CEP350: variants seen among roughly 807,000 people sequenced by gnomAD.
CEP350 encodes the protein centrosomal protein 350, also known as centrosome-associated protein 350.
CEP350 carries 126 observed loss-of-function variants against 331.8 expected under a neutral mutation model. That is an observed-to-expected ratio of 0.38 (90% CI 0.33 to 0.44). The LOEUF (loss-of-function observed/expected upper bound fraction) is 0.44. CEP350 is among the 20% of genes least tolerant of loss of function. The probability of loss-of-function intolerance (pLI) is 1.00; values close to 1 mark genes in which losing one functional copy is unlikely to be tolerated. For synonymous variants in CEP350, 1,200 were observed against 1,259.5 expected (o/e 0.95, Z 1.00); for missense variants, 3,406 against 3,634.6 (o/e 0.94, Z 1.62).
intron 14 of CEP350, among the ~76,000 whole-genome samples, chr1:180,027,137 A>C (rs1422160411): frequency 6.6e-6 from 1 of 152,174 alleles, no homozygotes; most frequent in Non-Finnish European, 1.5e-5. Context: ...TTTTTTGATA[A>C]TAGGACATCC....
intron 1 of CEP350, among the ~76,000 whole-genome samples, chr1:179,974,223 G>T (rs1027578898): frequency 2.0e-5 from 3 of 152,088 alleles, no homozygotes; most frequent in Non-Finnish European, 2.9e-5. Context: ...GGGACCACAG[G>T]TGCCTGCCAC....
chr1:179,999,824 C>T (rs541606201), intron 6 of CEP350, among the ~76,000 whole-genome samples: 122 of 152,242 alleles, frequency 8.0e-4, no homozygotes, highest in African/African-American at 2.8e-3. Flanking sequence ...ACTCATTTTG[C>T]ACCTTGATTT....
At position 180,020,336 on chromosome 1, in the gene CEP350, G is replaced by C. The variant is rs777170226; in HGVS notation, c.2562G>C (p.Gly854=). The C allele has an allele frequency of 1.2e-6, 2 of 1,613,860 alleles. No homozygotes were observed. Among genetic ancestry groups the C allele is most frequent in the South Asian group, 2.2e-5 (2 of 91,082 alleles). The part of the protein sequence containing the change: ...KKLAGASINY[G]SAWNTEYDVQ... Reference sequence around the variant, plus strand: ...TAGCTGGGGCCAGCATTAACTATGGGTCAGCATGGAACACTGAGTATGATG... The same window carrying C: ...TAGCTGGGGCCAGCATTAACTATGGCTCAGCATGGAACACTGAGTATGATG... The change falls in exon 12 of 38, where the codon GGG becomes GGC. Residue 854 remains glycine (G), a synonymous_variant. Transcript: ENST00000367607.
intron 25 of CEP350, among the ~76,000 whole-genome samples, chr1:180,058,828 T>G (rs1658019051): frequency 6.6e-6 from 1 of 152,196 alleles, no homozygotes; most frequent in African/African-American, 2.4e-5. Context: ...GCTAAGATAT[T>G]TCTTGCAACT....
chr1:179,961,102 T>C, intron 1 of CEP350, among the ~76,000 whole-genome samples: 1 of 152,192 alleles, frequency 6.6e-6, no homozygotes, highest in East Asian at 1.9e-4. Context: ...TATACGTGTA[T>C]GTGTATACAT....
intron 4 of CEP350, among the ~76,000 whole-genome samples, chr1:179,991,314 C>CTTTTTTTT (rs748309168): frequency 1.9e-4 from 21 of 109,382 alleles, no homozygotes; most frequent in South Asian, 3.1e-4. Flanking sequence ...TCTTTCTTTT[C>CTTTTTTTT]TTTTTTTTTT....
intron 1 of CEP350, chr1:179,969,490 A>G: frequency 2.1e-6 from 1 of 471,872 alleles, no homozygotes; most frequent in South Asian, 1.5e-5. Flanking sequence ...ATGGGTAGGA[A>G]TAAGCACTGA....
chr1:179,978,656 T>A (rs149332537), intron 1 of CEP350, among the ~76,000 whole-genome samples: 3 of 152,166 alleles, frequency 2.0e-5, no homozygotes, highest in Non-Finnish European at 4.4e-5. Context: ...GTTCCTGGCT[T>A]ATTGACTTAA....
At chr1:180,091,759 A>T (rs1386616330) in intron 33 of CEP350, among the ~76,000 whole-genome samples, 1 of 151,928 alleles carries the variant, frequency 6.6e-6, no homozygotes, top group African/African-American at 2.4e-5. Context: ...ACACCCAAGC[A>T]GTTGAGTCTA....
At chr1:180,032,976 C>G (rs1444203956) in intron 15 of CEP350, among the ~76,000 whole-genome samples, 2 of 151,952 alleles carry the variant, frequency 1.3e-5, no homozygotes, top group Non-Finnish European at 2.9e-5. Context: ...GCCTCTCAGG[C>G]CTACTTCTAT....
chr1:180,032,647 C>G (rs1003235547), intron 15 of CEP350, among the ~76,000 whole-genome samples: 2 of 147,966 alleles, frequency 1.4e-5, no homozygotes, highest in African/African-American at 2.5e-5. Context: ...TTTTTTTTTT[C>G]CTATTTGCCT....
intron 34 of CEP350, 50 bp from the exon 35 acceptor site, chr1:180,095,466 AAAAAATG>A: frequency 6.5e-7 from 1 of 1,529,230 alleles, no homozygotes; most frequent in Non-Finnish European, 8.8e-7. Context: ...TTTTTTTAAA[AAAAAATG>A]ATATGAGGTC....
At position 180,044,093 on chromosome 1, in the gene CEP350, C is replaced by G. The variant is rs1054032764; in HGVS notation, c.4542C>G (p.Thr1514=). 2 of 1,557,442 alleles carry G rather than the reference C, an allele frequency of 1.3e-6. No homozygotes were observed. Among genetic ancestry groups the G allele is most frequent in the Non-Finnish European group, 8.7e-7 (1 of 1,149,742 alleles). The change falls in exon 21 of 38, where the codon ACC becomes ACG. Residue 1514 remains threonine, a synonymous_variant. Coordinates refer to ENST00000367607, the MANE Select transcript of CEP350 (RefSeq NM_014810.5). ...SVSLSQSKEG[T]LDSKHQKYSA... is the part of the protein sequence containing the mutation. ...CACTCTCTCAGAGTAAAGAAGGGAC[C>G]CTTGACTCAAAGCATCAGAAGTATT... is the stretch of plus-strand genomic sequence containing the variant.
intron 14 of CEP350, among the ~76,000 whole-genome samples, chr1:180,031,102 G>A (rs1006995893): frequency 6.6e-6 from 1 of 151,918 alleles, no homozygotes; most frequent in Non-Finnish European, 1.5e-5. Flanking sequence ...TTAATAGCAA[G>A]TGGAATTAAT....
At chr1:180,007,591 A>G (rs924483325) in intron 8 of CEP350, among the ~76,000 whole-genome samples, 2 of 152,212 alleles carry the variant, frequency 1.3e-5, no homozygotes, top group African/African-American at 4.8e-5. Context: ...TTTGCTGTAC[A>G]GAAGCTCTTC....
chr1:179,993,208 CA>C (rs1421333783), intron 5 of CEP350, among the ~76,000 whole-genome samples: 2 of 150,234 alleles, frequency 1.3e-5, no homozygotes, highest in Non-Finnish European at 3.0e-5. Context: ...GAAAGAAGGT[CA>C]GGGGTATAAT....
intron 11 of CEP350, among the ~76,000 whole-genome samples, chr1:180,018,568 TCTTC>T (rs1250617863): frequency 2.6e-5 from 4 of 152,226 alleles, no homozygotes; most frequent in African/African-American, 9.6e-5. Flanking sequence ...CTCTAGTCTT[TCTTC>T]CTTCATTCTA....
intron 1 of CEP350, among the ~76,000 whole-genome samples, chr1:179,976,408 T>C (rs993003087): frequency 3.9e-4 from 59 of 152,308 alleles, no homozygotes; most frequent in African/African-American, 1.3e-3. Flanking sequence ...TGAGAGGAAC[T>C]GTCATTCATT....
At chr1:180,052,754 C>G (rs908909324) in intron 22 of CEP350, among the ~76,000 whole-genome samples, 7 of 151,942 alleles carry the variant, frequency 4.6e-5, no homozygotes, top group African/African-American at 1.7e-4. Context: ...CAACATTAAT[C>G]TTTATATGTC....
Sources: allele counts gnomAD v4.1 joint callset (sites outside exome capture counted in the v4.1 genomes callset), GRCh38; gene constraint gnomAD v4.1.1; transcripts MANE v1.5; gene names NCBI Gene and HGNC (gene_info 2026-07-23, HGNC 2026-07-21).